Variants in FUT9 observed in about 807,000 individuals in gnomAD.
FUT9 encodes fucosyltransferase 9, also known as 4-galactosyl-N-acetylglucosaminide 3-alpha-L-fucosyltransferase 9.
Under a neutral mutation model 29.7 loss-of-function variants are expected in FUT9, and 15 were observed. The ratio of observed to expected loss-of-function variants is 0.51; its 90% CI spans 0.34 to 0.78. FUT9 has a LOEUF of 0.78. FUT9 is among the 30% of genes least tolerant of loss of function. The pLI is 0.01. For synonymous variants in FUT9, 169 were observed against 153.7 expected (o/e 1.10, Z -0.74); for missense variants, 319 against 425.4 (o/e 0.75, Z 2.20).
chr6:96,064,961 T>C lies in FUT9; in HGVS notation c.-98+48749T>C, dbSNP rs371581398. 9.1e-4 allele frequency among the ~76,000 whole-genome samples: 139 copies of C among 152,296 alleles called. 1 individual carries two copies. Among genetic ancestry groups the C allele is most frequent in the Middle Eastern group, 3.4e-3 (1 of 294 alleles). The stretch of plus-strand genomic sequence containing the variant: ...ATCTCAAAATATGTTCTTAGATTGC[T>C]ACAACACAATACTCTAAACAGTAAA... On this transcript the variant is annotated intron_variant, in intron 1 of 2. Coordinates refer to ENST00000302103, the MANE Select transcript of FUT9 (RefSeq NM_006581.4).
At chr6:96,063,841 A>G (rs904934942) in intron 1 of FUT9, among the ~76,000 whole-genome samples, 1 of 152,186 alleles carries the variant, frequency 6.6e-6, no homozygotes, top group African/African-American at 2.4e-5. Flanking sequence ...AAAGTATCTC[A>G]GCCAATTTCA....
chr6:96,139,537 C>A (rs1037292882), intron 2 of FUT9, among the ~76,000 whole-genome samples: 8 of 152,198 alleles, frequency 5.3e-5, no homozygotes, highest in Admixed American at 1.3e-4. Flanking sequence ...GTTCTCACCC[C>A]ACATTTTCCT....
At chr6:96,050,483 A>G (rs1043295209) in intron 1 of FUT9, among the ~76,000 whole-genome samples, 1 of 152,218 alleles carries the variant, frequency 6.6e-6, no homozygotes, top group African/African-American at 2.4e-5. Flanking sequence ...CGATTCTAAC[A>G]GAAGAGTTGT....
chr6:96,158,194 C>T (rs1772826024), intron 2 of FUT9, among the ~76,000 whole-genome samples: 1 of 152,136 alleles, frequency 6.6e-6, no homozygotes, highest in African/African-American at 2.4e-5. Flanking sequence ...AAGGGACACA[C>T]TCTCAAAGAC....
At position 96,211,138 on chromosome 6, in the gene FUT9, C is replaced by T. The variant is rs1290392181; in HGVS notation, c.*6903C>T. ...GCAAAACGGAAACAAATAAATACAGCATGGAAGCATATATTCATGTTTCCC... is the reference window on the plus strand; with the variant it reads ...GCAAAACGGAAACAAATAAATACAGTATGGAAGCATATATTCATGTTTCCC... On this transcript the variant is annotated 3_prime_UTR_variant, in exon 3 of 3. Coordinates refer to ENST00000302103, the MANE Select transcript of FUT9 (RefSeq NM_006581.4). 6.0e-6 allele frequency: 1 copy of T among 166,766 alleles called. No individual in the cohort carries two copies. Among genetic ancestry groups the T allele is most frequent in the East Asian group, 1.9e-4 (1 of 5,200 alleles). The allele number at this position is 166,766 out of a possible 1,614,324, so 10.3% of individuals were successfully genotyped here.
chr6:96,206,390 T>A lies in FUT9; in HGVS notation c.*2155T>A, dbSNP rs1338103734. The A allele has an allele frequency of 6.0e-6, 1 of 167,040 alleles. No individual in the cohort carries two copies. The highest frequency in any genetic ancestry group is 1.5e-5 in the Non-Finnish European group (1 of 68,114). 10.3% of individuals were successfully genotyped at this position (167,040 alleles called of 1,614,324 possible). On this transcript the variant is annotated 3_prime_UTR_variant, in exon 3 of 3. Transcript: ENST00000302103. Reference sequence around the variant, plus strand: ...TACATTTACATTTACTTTGTCAAATTTTTTGGTCTATAAAAAGCATAGAGA... The same window carrying A: ...TACATTTACATTTACTTTGTCAAATATTTTGGTCTATAAAAAGCATAGAGA...
At chr6:96,144,309 T>C (rs1387950936) in intron 2 of FUT9, among the ~76,000 whole-genome samples, 1 of 152,218 alleles carries the variant, frequency 6.6e-6, no homozygotes, top group South Asian at 2.1e-4. Context: ...GTTATTCATT[T>C]AGGGAAATTG....
intron 1 of FUT9, among the ~76,000 whole-genome samples, chr6:96,061,570 G>A (rs1276784379): frequency 6.6e-6 from 1 of 151,712 alleles, no homozygotes. Context: ...GTAGACTTAT[G>A]CAAAGTCTCA....
chr6:96,183,766 A>G (rs1421982643), intron 2 of FUT9, among the ~76,000 whole-genome samples: 1 of 152,076 alleles, frequency 6.6e-6, no homozygotes, highest in African/African-American at 2.4e-5. Context: ...CATATGTTAA[A>G]CCATCCCTGC....
At chr6:96,064,245 C>T (rs1032384342) in intron 1 of FUT9, among the ~76,000 whole-genome samples, 2 of 152,160 alleles carry the variant, frequency 1.3e-5, no homozygotes, top group Non-Finnish European at 2.9e-5. Flanking sequence ...AACCAATAGT[C>T]TCATATCTTC....
At chr6:96,055,685 T>C (rs1248863544) in intron 1 of FUT9, among the ~76,000 whole-genome samples, 2 of 147,750 alleles carry the variant, frequency 1.4e-5, no homozygotes, top group African/African-American at 5.0e-5. Context: ...TTTTCGTTTT[T>C]GTTTTTGTTT....
At chr6:96,028,426 CAA>C (rs1242588306) in intron 1 of FUT9, among the ~76,000 whole-genome samples, 1 of 151,506 alleles carries the variant, frequency 6.6e-6, no homozygotes, top group Non-Finnish European at 1.5e-5. Context: ...TTTAATTAAA[CAA>C]AGACTTAATA....
intron 2 of FUT9, among the ~76,000 whole-genome samples, chr6:96,139,571 C>A (rs370857962): frequency 1.3e-5 from 2 of 152,202 alleles, no homozygotes; most frequent in East Asian, 1.9e-4. Context: ...AGCAGAGGCT[C>A]TCCATGACCC....
chr6:96,064,518 T>C lies in FUT9; in HGVS notation c.-98+48306T>C, dbSNP rs145030631. Among the ~76,000 whole-genome samples the C allele has an allele frequency of 6.1e-3, 934 of 152,224 alleles. 1 individual carries two copies. Among genetic ancestry groups the C allele is most frequent in the Non-Finnish European group, 0.011 (758 of 67,996 alleles). On this transcript the variant is annotated intron_variant, in intron 1 of 2. Coordinates refer to ENST00000302103, the MANE Select transcript of FUT9 (RefSeq NM_006581.4). ...GCAAGGAGCTCTTAGAGTCTTCTCA[T>C]TCCCATGGGAGAACTTGGCACAAAA...
intron 2 of FUT9, among the ~76,000 whole-genome samples, chr6:96,186,409 T>C (rs1032771340): frequency 6.6e-6 from 1 of 152,120 alleles, no homozygotes; most frequent in Non-Finnish European, 1.5e-5. Context: ...CAATGCCCCA[T>C]CTAAGGTAAT....
chr6:96,141,941 C>A (rs571304979), intron 2 of FUT9, among the ~76,000 whole-genome samples: 2 of 152,296 alleles, frequency 1.3e-5, no homozygotes, highest in African/African-American at 4.8e-5. Context: ...TTTATCTCTT[C>A]TCCATTTTAC....
intron 2 of FUT9, among the ~76,000 whole-genome samples, chr6:96,165,207 G>A (rs1021203900): frequency 1.3e-5 from 2 of 152,080 alleles, no homozygotes; most frequent in Admixed American, 6.5e-5. Flanking sequence ...TGAGGCCAGC[G>A]GATCACCTGA....
Position 96,211,318 on chromosome 6 carries a change from A to T in FUT9, c.*7083A>T, listed in dbSNP as rs1394299769. On this transcript the variant is annotated 3_prime_UTR_variant, in exon 3 of 3. Transcript: ENST00000302103. ...TGTTATGAGCAATCAGTAAATTTGT[A>T]GTCAATTTAACTTATTATCAGTTGG... The T allele has an allele frequency of 6.0e-6, 1 of 166,842 alleles. No homozygotes were observed. Among genetic ancestry groups the T allele is most frequent in the African/African-American group, 2.4e-5 (1 of 41,442 alleles). The allele number at this position is 166,842 out of a possible 1,614,324, so 10.3% of individuals were successfully genotyped here.
chr6:96,155,136 C>T (rs996746836), intron 2 of FUT9, among the ~76,000 whole-genome samples: 3 of 152,162 alleles, frequency 2.0e-5, no homozygotes, highest in African/African-American at 7.2e-5. Context: ...CCCTATAATG[C>T]CTGCCTTTTT....
Sources: gnomAD v4.1 joint callset for allele counts (sites outside exome capture counted in the v4.1 genomes callset) on GRCh38, gnomAD v4.1.1 for gene constraint, MANE v1.5 for transcripts, NCBI Gene and HGNC (gene_info 2026-07-23, HGNC 2026-07-21) for gene names.